Variants in ZNF222 observed in about 807,000 individuals in gnomAD.
ZNF222 encodes zinc finger protein 222.
In ZNF222, 8 loss-of-function variants were observed where a neutral mutation model predicts 11.6. The ratio of observed to expected loss-of-function variants is 0.69; its 90% CI spans 0.41 to 1.25. ZNF222 has a LOEUF of 1.25. Ranked by LOEUF, ZNF222 falls within the 50% of genes most tolerant of loss-of-function variation. The pLI is 0.01. For missense variants in ZNF222, 483 were observed against 576.1 expected, an observed-to-expected ratio of 0.84 and a Z score of 1.65; for synonymous variants, 171 against 195.6, an observed-to-expected ratio of 0.87 and a Z score of 1.05.
In ZNF222 at chr19:44,025,506, C is replaced by T; in HGVS notation, c.42+28C>T. The T allele has an allele frequency of 6.5e-7, 1 of 1,539,588 alleles. No homozygotes were observed. Among genetic ancestry groups the T allele is most frequent in the Non-Finnish European group, 8.8e-7 (1 of 1,141,466 alleles). Reference sequence around the variant, plus strand: ...TTGGAGGGGCGCGGGCGGGGATTGCCGTTCCAGTCAGCTGAGCCTTCTGGC... The same window carrying T: ...TTGGAGGGGCGCGGGCGGGGATTGCTGTTCCAGTCAGCTGAGCCTTCTGGC... On this transcript the variant is annotated intron_variant, in intron 1 of 3. Transcript: ENST00000391960. This position sits in a 1 kb window ranked among gnomAD's most constrained non-coding sequence, Gnocchi z 4.6.
chr19:44,026,182 T>A, intron 1 of ZNF222: 1 of 1,243,934 alleles, frequency 8.0e-7, no homozygotes, highest in Non-Finnish European at 1.2e-6. Flanking sequence ...CGATAATGAT[T>A]AAGCCTTAAT....
rs781565583 is a variant in ZNF222, at chr19:44,031,969, A to C, written c.415A>C (p.Asn139His). Reference sequence around the variant, plus strand: ...CTCTCAGTTATTTGAACAAGATGACAACCCCTCCCAGATTAAAGCAAGACT... The same window carrying C: ...CTCTCAGTTATTTGAACAAGATGACCACCCCTCCCAGATTAAAGCAAGACT... Reference protein sequence around the residue: ...SNSQLFEQDDNPSQIKARLST... With the variant: ...SNSQLFEQDDHPSQIKARLST... The change falls in exon 4 of 4, where the codon AAC (asparagine) becomes CAC (histidine). Residue 139 changes from asparagine (N) to histidine (H), a missense_variant. Transcript: ENST00000391960. 1 of 1,614,252 alleles carries C rather than the reference A, an allele frequency of 6.2e-7. No individual in the cohort carries two copies. Among genetic ancestry groups the C allele is most frequent in the East Asian group, 2.2e-5 (1 of 44,886 alleles).
intron 3 of ZNF222, 67 bp from the exon 4 acceptor site, chr19:44,031,750 G>A (rs1181640640): frequency 1.3e-6 from 2 of 1,547,498 alleles, no homozygotes; most frequent in Non-Finnish European, 1.7e-6. Flanking sequence ...CAAAGTGCTG[G>A]GATTACAGGT....
intron 3 of ZNF222, 82 bp from the exon 4 acceptor site, chr19:44,031,735 C>A: frequency 6.8e-7 from 1 of 1,472,314 alleles, no homozygotes; most frequent in Non-Finnish European, 9.2e-7. Context: ...CCCGCCTCGG[C>A]CTCCCAAAGT....
At chr19:44,028,035 C>G (rs1460762019) in intron 3 of ZNF222, among the ~76,000 whole-genome samples, 2 of 152,192 alleles carry the variant, frequency 1.3e-5, no homozygotes, top group East Asian at 3.9e-4. Flanking sequence ...TCTGGATGTT[C>G]ATGGGGAGAA....
Position 44,025,912 on chromosome 19 carries a change from G to A in ZNF222, c.42+434G>A. On this transcript the variant is annotated intron_variant, in intron 1 of 3. Transcript: ENST00000391960. The surrounding 1 kb of genome is among the most constrained non-coding windows in gnomAD (Gnocchi z 4.6). ...CCCTTCTGCCTGATCCCTGCAGGAC[G>A]CTGGATGATCCCTGACGCCTTCTGA... 2 of 1,082,880 alleles carry A rather than the reference G, an allele frequency of 1.8e-6. No homozygotes were observed. Among genetic ancestry groups the A allele is most frequent in the Non-Finnish European group, 1.3e-6 (1 of 745,012 alleles). 67.1% of individuals were successfully genotyped at this position (1,082,880 alleles called of 1,614,324 possible).
intron 3 of ZNF222, chr19:44,028,438 A>G: frequency 2.6e-6 from 1 of 392,078 alleles, no homozygotes. Context: ...CTCTGATTGG[A>G]ATACACTGTC....
chr19:44,025,739 G>T lies in ZNF222; in HGVS notation c.42+261G>T, dbSNP rs763631580. 9.9e-5 allele frequency among the ~76,000 whole-genome samples: 15 copies of T among 152,154 alleles called. No homozygotes were observed. The highest frequency in any genetic ancestry group is 1.5e-4 in the Non-Finnish European group (10 of 68,022). ...CGGGACTTTTCGGACCATCCTAATG[G>T]ATTCATTTTGGGACCTGAAAGAGGT... On this transcript the variant is annotated intron_variant, in intron 1 of 3. Coordinates refer to ENST00000391960, the MANE Select transcript of ZNF222 (RefSeq NM_001129996.2). This position sits in a 1 kb window ranked among gnomAD's most constrained non-coding sequence, Gnocchi z 4.6.
In ZNF222 at chr19:44,032,149, G is replaced by A. The variant is rs139230139; in HGVS notation, c.595G>A (p.Ala199Thr). The A allele has an allele frequency of 1.5e-5, 25 of 1,614,078 alleles. No homozygotes were observed. The highest frequency in any genetic ancestry group is 1.9e-5 in the Non-Finnish European group (23 of 1,180,046). Reference protein sequence around the residue: ...ECGKSFCYISALHIHQRVHMG... With the variant: ...ECGKSFCYISTLHIHQRVHMG... ...TGGAAAAAGCTTCTGTTACATCTCA[G>A]CCCTTCATATTCATCAGAGGGTCCA... is the stretch of plus-strand genomic sequence containing the variant. Residue 199 changes from alanine to threonine, a missense_variant, in exon 4 of 4, where the codon GCC (alanine) becomes ACC (threonine). Coordinates refer to ENST00000391960, the MANE Select transcript of ZNF222 (RefSeq NM_001129996.2).
intron 3 of ZNF222, chr19:44,031,155 G>A (rs577995041): frequency 6.6e-6 from 1 of 152,224 alleles, no homozygotes; most frequent in African/African-American, 2.4e-5. Context: ...CACTACATAT[G>A]TAGTATTTTA....
chr19:44,032,173 C>T lies in ZNF222; in HGVS notation c.619C>T (p.His207Tyr), dbSNP rs1385772221. The T allele has an allele frequency of 6.2e-7, 1 of 1,614,164 alleles. No homozygotes were observed. Among genetic ancestry groups the T allele is most frequent in the South Asian group, 1.1e-5 (1 of 91,080 alleles). The change falls in exon 4 of 4, where the codon CAC becomes TAC. Residue 207 changes from histidine to tyrosine, a missense_variant. Transcript: ENST00000391960. ...AGCCCTTCATATTCATCAGAGGGTC[C>T]ACATGGGAGTGAAATGCTATAAGTG... ...ISALHIHQRV[H>Y]MGVKCYKCDV...
intron 1 of ZNF222, among the ~76,000 whole-genome samples, chr19:44,026,560 T>G (rs564705814): frequency 2.5e-4 from 37 of 148,402 alleles, no homozygotes; most frequent in Admixed American, 2.1e-3. Context: ...ATATATATTT[T>G]TTTTTTTACA....
At position 44,033,018 on chromosome 19, in the gene ZNF222, A is replaced by C. The variant is rs775422548; in HGVS notation, c.1464A>C (p.Leu488Phe). 22 of 1,536,132 alleles carry C rather than the reference A, an allele frequency of 1.4e-5. No homozygotes were observed. In the South Asian group the frequency reaches 2.9e-4, roughly 20 times the overall value. The change falls in exon 4 of 4, where the codon TTA becomes TTC. Residue 488 changes from leucine (L) to phenylalanine (F), a missense_variant. Transcript: ENST00000391960. Reference sequence around the variant, plus strand: ...TGGATATAATTTTATCATTATTTTTAAATGACATATAAGTTATACATATTT... The same window carrying C: ...TGGATATAATTTTATCATTATTTTTCAATGACATATAAGTTATACATATTT... ...LNLDIILSLF[L>F]NDI
chr19:44,025,493 G>T lies in ZNF222; in HGVS notation c.42+15G>T. Reference sequence around the variant, plus strand: ...GGAGAGCAGAGGTTTGGAGGGGCGCGGGCGGGGATTGCCGTTCCAGTCAGC... The same window carrying T: ...GGAGAGCAGAGGTTTGGAGGGGCGCTGGCGGGGATTGCCGTTCCAGTCAGC... On this transcript the variant is annotated intron_variant, in intron 1 of 3. Transcript: ENST00000391960. The surrounding 1 kb of genome is among the most constrained non-coding windows in gnomAD (Gnocchi z 4.6). 2 of 1,544,294 alleles carry T rather than the reference G, an allele frequency of 1.3e-6. No individual in the cohort carries two copies. Among genetic ancestry groups the T allele is most frequent in the Non-Finnish European group, 8.7e-7 (1 of 1,143,740 alleles).
chr19:44,026,635 C>A (rs1369705859), intron 1 of ZNF222, among the ~76,000 whole-genome samples: 1 of 151,336 alleles, frequency 6.6e-6, no homozygotes, highest in African/African-American at 2.4e-5. Context: ...GTAACCTCCG[C>A]CTCTCGGGTT....
At position 44,025,693 on chromosome 19, in the gene ZNF222, G is replaced by T. The variant is rs1976344233; in HGVS notation, c.42+215G>T. ...TCCGTTTATCTTCCATTGCTGGTTC[G>T]TTTGTTTGTTTGTTTTGTAACGGGA... On this transcript the variant is annotated intron_variant, in intron 1 of 3. Transcript: ENST00000391960. This position sits in a 1 kb window ranked among gnomAD's most constrained non-coding sequence, Gnocchi z 4.6. Among the ~76,000 whole-genome samples, 3 of 99,216 alleles carry T rather than the reference G, an allele frequency of 3.0e-5. No homozygotes were observed. In the South Asian group the frequency reaches 8.0e-4, roughly 27 times the overall value. 65.1% of individuals were successfully genotyped at this position (99,216 alleles called of 152,430 possible). A position where few individuals can be genotyped will look rare whatever the true frequency, so the allele number is the denominator to read the frequency against.
intron 2 of ZNF222, 67 bp downstream of exon 2, chr19:44,027,216 TCAA>T: frequency 6.3e-7 from 1 of 1,599,720 alleles, no homozygotes; most frequent in South Asian, 1.1e-5. Context: ...CCTAGGGTTT[TCAA>T]GTTTGAGTGT....
chr19:44,029,181 G>GTTTTTTTT (rs142571594), intron 3 of ZNF222, among the ~76,000 whole-genome samples: 6 of 113,712 alleles, frequency 5.3e-5, no homozygotes, highest in African/African-American at 1.6e-4. Context: ...TTGTTGGTTT[G>GTTTTTTTT]TTTTGTTTTG....
rs745427189 is a variant in ZNF222, at chr19:44,032,312, G to A, written c.758G>A (p.Arg253Lys). The A allele has an allele frequency of 3.1e-6, 5 of 1,613,882 alleles. No individual in the cohort carries two copies. The East Asian group carries it at 1.1e-4, about 36-fold the overall frequency. ...CEQCGKGFRC[R>K]SALKVHCKLH... ...CAGTGTGGGAAAGGCTTCAGATGTA[G>A]ATCAGCACTTAAAGTTCATTGCAAA... Residue 253 changes from arginine to lysine, a missense_variant, in exon 4 of 4, where the codon AGA becomes AAA. Physicochemically the swap from Arg to Lys is conservative, Grantham distance 26. Transcript: ENST00000391960.
Sources: gnomAD v4.1 joint callset for allele counts (sites outside exome capture counted in the v4.1 genomes callset) on GRCh38, gnomAD v4.1.1 for gene constraint, Gnocchi (gnomAD v3.1) non-coding constraint, MANE v1.5 for transcripts, NCBI Gene and HGNC (gene_info 2026-07-23, HGNC 2026-07-21) for gene names.